Variants in GNAQ observed in about 807,000 individuals in gnomAD.
The protein encoded by GNAQ is G protein subunit alpha q.
Under a neutral mutation model 43.9 loss-of-function variants are expected in GNAQ, and 8 were observed. The observed-to-expected ratio is 0.18, with a 90% confidence interval of 0.11 to 0.33. The LOEUF is 0.33. GNAQ is among the 10% of genes least tolerant of loss of function. The probability of loss-of-function intolerance (pLI) is 1.00; values close to 1 mark genes in which losing one functional copy is unlikely to be tolerated. For missense variants in GNAQ, 158 were observed against 450.8 expected (o/e 0.35, Z 5.88); for synonymous variants, 155 against 170.7 (o/e 0.91, Z 0.71).
At chr9:77,953,630 C>A (rs1823008449) in intron 1 of GNAQ, among the ~76,000 whole-genome samples, 3 of 152,198 alleles carry the variant, frequency 2.0e-5, no homozygotes, top group Admixed American at 2.0e-4. Context: ...CCTGCACACC[C>A]AAACCTAGTG....
At chr9:77,980,970 G>C (rs1823360214) in intron 1 of GNAQ, among the ~76,000 whole-genome samples, 1 of 152,090 alleles carries the variant, frequency 6.6e-6, no homozygotes, top group Non-Finnish European at 1.5e-5. Flanking sequence ...TGCTATATCA[G>C]TGATTTAAAC....
intron 1 of GNAQ, among the ~76,000 whole-genome samples, chr9:78,001,821 T>C (rs918270900): frequency 3.3e-5 from 5 of 152,170 alleles, no homozygotes; most frequent in African/African-American, 1.2e-4. Flanking sequence ...CATTCCAAGA[T>C]TGATAAGTAA....
chr9:77,907,426 T>C (rs555064615), intron 2 of GNAQ, among the ~76,000 whole-genome samples: 1 of 152,194 alleles, frequency 6.6e-6, no homozygotes, highest in Non-Finnish European at 1.5e-5. Flanking sequence ...AGCTTTCCTA[T>C]AGAAACTCTG....
At chr9:77,781,773 A>C (rs961920924) in intron 5 of GNAQ, among the ~76,000 whole-genome samples, 9 of 152,168 alleles carry the variant, frequency 5.9e-5, no homozygotes, top group African/African-American at 2.2e-4. Context: ...TCATAGGGTC[A>C]TATCAACAGA....
In GNAQ at chr9:77,838,794, A is replaced by AAT. The variant is rs983974862; in HGVS notation, c.322-23026_322-23025dup. ...AAGAGCTACATTACTTGTACAATTT[A>AAT]ATATATATATATAAATGTATACATT... is the stretch of plus-strand genomic sequence containing the variant. On this transcript the variant is annotated intron_variant, in intron 2 of 6. Coordinates refer to ENST00000286548, the MANE Select transcript of GNAQ (RefSeq NM_002072.5). Among the ~76,000 whole-genome samples the AAT allele has an allele frequency of 6.4e-3, 969 of 151,934 alleles. 10 individuals carry two copies. Among genetic ancestry groups the AAT allele is most frequent in the African/African-American group, 0.021 (889 of 41,464 alleles).
chr9:78,010,741 A>G (rs1322586478), intron 1 of GNAQ, among the ~76,000 whole-genome samples: 1 of 152,170 alleles, frequency 6.6e-6, no homozygotes, highest in African/African-American at 2.4e-5. Flanking sequence ...CCTATCAACC[A>G]GAAGTAATAC....
intron 1 of GNAQ, among the ~76,000 whole-genome samples, chr9:77,935,740 T>C (rs1829222393): frequency 6.6e-6 from 1 of 152,142 alleles, no homozygotes; most frequent in Admixed American, 6.5e-5. Context: ...AATTTTGTCC[T>C]CTAATTTATT....
At chr9:77,814,221 C>T (rs538972289) in intron 3 of GNAQ, among the ~76,000 whole-genome samples, 1 of 152,022 alleles carries the variant, frequency 6.6e-6, no homozygotes, top group Non-Finnish European at 1.5e-5. Flanking sequence ...TCTGTACTCA[C>T]AGAAACTTAT....
chr9:77,892,080 T>A (rs1012265193), intron 2 of GNAQ, among the ~76,000 whole-genome samples: 3 of 152,202 alleles, frequency 2.0e-5, no homozygotes, highest in African/African-American at 4.8e-5. Flanking sequence ...CAGCAAATTA[T>A]ATTATTATTT....
chr9:77,733,743 T>C (rs1473502701), intron 5 of GNAQ, among the ~76,000 whole-genome samples: 1 of 152,172 alleles, frequency 6.6e-6, no homozygotes, highest in Non-Finnish European at 1.5e-5. Flanking sequence ...AAGACAAGCA[T>C]GCAATGCATC....
intron 5 of GNAQ, among the ~76,000 whole-genome samples, chr9:77,772,982 G>A (rs1485268383): frequency 6.6e-6 from 1 of 152,196 alleles, no homozygotes; most frequent in Non-Finnish European, 1.5e-5. Flanking sequence ...AATTTGTGTT[G>A]GGCTGCATTC....
intron 5 of GNAQ, among the ~76,000 whole-genome samples, chr9:77,747,077 T>C (rs907230023): frequency 1.3e-5 from 2 of 152,162 alleles, no homozygotes; most frequent in African/African-American, 4.8e-5. Context: ...AAACAGCTGG[T>C]GGTAGTTACC....
chr9:78,027,306 G>C (rs1823994245), intron 1 of GNAQ, among the ~76,000 whole-genome samples: 1 of 151,968 alleles, frequency 6.6e-6, no homozygotes, highest in African/African-American at 2.4e-5. Context: ...ATTCATTATT[G>C]TCTGGTCTAA....
intron 5 of GNAQ, among the ~76,000 whole-genome samples, chr9:77,791,059 G>A (rs1235211148): frequency 1.3e-5 from 2 of 152,168 alleles, no homozygotes; most frequent in Non-Finnish European, 2.9e-5. Context: ...GAGGGCCTAG[G>A]GTAGGGAGAA....
rs1431369821 is a variant in GNAQ, at chr9:77,720,715, T to C, written c.*608A>G. The C allele has an allele frequency of 4.3e-6, 1 of 233,296 alleles. No individual in the cohort carries two copies. The highest frequency in any genetic ancestry group is 8.5e-6 in the Non-Finnish European group (1 of 117,968). 14.5% of individuals were successfully genotyped at this position (233,296 alleles called of 1,614,324 possible). ...CAGTCCAAAGTGAGACAAGACAGTATATTCTATTAAAAAAGAAACTATGTG... is the reference window on the plus strand; with the variant it reads ...CAGTCCAAAGTGAGACAAGACAGTACATTCTATTAAAAAAGAAACTATGTG... On this transcript the variant is annotated 3_prime_UTR_variant, in exon 7 of 7. Coordinates refer to ENST00000286548, the MANE Select transcript of GNAQ (RefSeq NM_002072.5).
At chr9:77,775,873 C>T (rs7035069) in intron 5 of GNAQ, among the ~76,000 whole-genome samples, 1,851 of 152,000 alleles carry the variant, frequency 0.012, 37 homozygotes, top group African/African-American at 0.041. Context: ...TGCAGTGAGC[C>T]GAGAATGTGC....
chr9:77,897,181 TAAC>T (rs1180637534), intron 2 of GNAQ, among the ~76,000 whole-genome samples: 2 of 152,254 alleles, frequency 1.3e-5, no homozygotes, highest in Non-Finnish European at 2.9e-5. Flanking sequence ...ATTAGTAGGC[TAAC>T]AGACGACTAT....
intron 2 of GNAQ, among the ~76,000 whole-genome samples, chr9:77,882,171 C>T (rs1350613088): frequency 4.6e-5 from 7 of 152,032 alleles, no homozygotes; most frequent in Admixed American, 3.9e-4. Context: ...AATAAAAAAA[C>T]AGCAGTATGA....
At chr9:77,725,400 C>T (rs1273592783) in intron 6 of GNAQ, among the ~76,000 whole-genome samples, 2 of 151,970 alleles carry the variant, frequency 1.3e-5, no homozygotes, top group Non-Finnish European at 2.9e-5. Flanking sequence ...ATGCTTATTA[C>T]AAAAACATCA....
Sources: allele counts gnomAD v4.1 joint callset (sites outside exome capture counted in the v4.1 genomes callset), GRCh38; gene constraint gnomAD v4.1.1; transcripts MANE v1.5; gene names NCBI Gene and HGNC (gene_info 2026-07-23, HGNC 2026-07-21).